CHSY3: variants seen among roughly 807,000 people sequenced by gnomAD.
The protein encoded by CHSY3 is chondroitin sulfate synthase 3.
CHSY3 carries 35 observed loss-of-function variants against 67.2 expected under a neutral mutation model. The ratio of observed to expected loss-of-function variants is 0.52; its 90% CI spans 0.40 to 0.69. The LOEUF (loss-of-function observed/expected upper bound fraction) is 0.69. CHSY3 is among the 30% of genes least tolerant of loss of function. The pLI, the probability that CHSY3 is intolerant of heterozygous loss-of-function variation, is 0.00. For missense variants in CHSY3, 1,069 were observed against 1,138.5 expected, an observed-to-expected ratio of 0.94 and a Z score of 0.88; for synonymous variants, 474 against 434.7, an observed-to-expected ratio of 1.09 and a Z score of -1.12.
intron 2 of CHSY3, among the ~76,000 whole-genome samples, chr5:130,026,665 T>G (rs954160116): frequency 1.3e-5 from 2 of 152,168 alleles, no homozygotes; most frequent in African/African-American, 4.8e-5. Context: ...TAATTGTTTT[T>G]GGCATTTTAT....
intron 2 of CHSY3, among the ~76,000 whole-genome samples, chr5:129,997,891 T>G (rs1160487014): frequency 6.6e-6 from 1 of 152,240 alleles, no homozygotes; most frequent in Admixed American, 6.5e-5. Flanking sequence ...TGCCACATTT[T>G]CTTAATCCAG....
chr5:129,987,059 C>T (rs1207892498), intron 2 of CHSY3, among the ~76,000 whole-genome samples: 1 of 152,090 alleles, frequency 6.6e-6, no homozygotes, highest in East Asian at 1.9e-4. Flanking sequence ...TTTAAATTAA[C>T]TCAAAATTTT....
At position 130,141,739 on chromosome 5, in the gene CHSY3, G is replaced by A; in HGVS notation, c.1087-42490G>A. ...GGACAAACAGAAGATTCTTGATAAGGGTATTAAAATTATCAACTGGCTGGA... is the reference window on the plus strand; with the variant it reads ...GGACAAACAGAAGATTCTTGATAAGAGTATTAAAATTATCAACTGGCTGGA... On this transcript the variant is annotated intron_variant, in intron 2 of 2. Transcript: ENST00000305031. 4 of 497,846 alleles carry A rather than the reference G, an allele frequency of 8.0e-6. 1 individual carries two copies. The highest frequency in any genetic ancestry group is 7.3e-4 in the Middle Eastern group (1 of 1,374). 30.8% of individuals were successfully genotyped at this position (497,846 alleles called of 1,614,324 possible).
chr5:130,028,930 TCCTCACCA>T (rs1238960299), intron 2 of CHSY3, among the ~76,000 whole-genome samples: 2 of 151,982 alleles, frequency 1.3e-5, no homozygotes, highest in Non-Finnish European at 2.9e-5. Context: ...TCCTACTGAT[TCCTCACCA>T]CCTCATATCT....
intron 2 of CHSY3, among the ~76,000 whole-genome samples, chr5:130,071,010 A>G (rs1396672949): frequency 1.3e-5 from 2 of 152,080 alleles, no homozygotes; most frequent in Non-Finnish European, 2.9e-5. Context: ...ATATAAGTCT[A>G]TGCCATTTAG....
Position 130,185,616 on chromosome 5 carries a change from A to T in CHSY3, c.2474A>T (p.Gln825Leu). 8 of 1,614,148 alleles carry T rather than the reference A, an allele frequency of 5.0e-6. No individual in the cohort carries two copies. The highest frequency in any genetic ancestry group is 6.8e-6 in the Non-Finnish European group (8 of 1,179,996). ...ILSGLRPFRS[Q>L]EVGVVHIFHP... ...TCTGGCTTAAGGCCATTCAGAAGCC[A>T]AGAAGTAGGAGTGGTGCATATTTTC... is the stretch of plus-strand genomic sequence containing the variant. The change falls in exon 3 of 3, where the codon CAA becomes CTA. Residue 825 changes from glutamine to leucine, a missense_variant. Physicochemically the swap from Gln to Leu is moderately radical, Grantham distance 113 (BLOSUM62 -2). Transcript: ENST00000305031.
Position 130,185,584 on chromosome 5 carries a change from C to T in CHSY3, c.2442C>T (p.Val814=), listed in dbSNP as rs1280473068. ...AAGATGTAGATCTCTACAATAAAGT[C>T]ATTCTATCTGGCTTAAGGCCATTCA... ...GLEDVDLYNK[V]ILSGLRPFRS... is the part of the protein sequence containing the mutation. The change falls in exon 3 of 3, where the codon GTC becomes GTT. Residue 814 remains valine (V), a synonymous_variant. Transcript: ENST00000305031. 17 of 1,613,536 alleles carry T rather than the reference C, an allele frequency of 1.1e-5. No individual in the cohort carries two copies. The highest frequency in any genetic ancestry group is 1.4e-5 in the Non-Finnish European group (17 of 1,179,838).
rs374393951 is a variant in CHSY3 at position 130,146,780 on chromosome 5, TTTTG to T, written c.1087-37445_1087-37442del. On this transcript the variant is annotated intron_variant, in intron 2 of 2. Coordinates refer to ENST00000305031, the MANE Select transcript of CHSY3 (RefSeq NM_175856.5). ...TAAAAAAAAAGCATTTTCATTTGTT[TTTTG>T]TTTTGTTTTGTTTTGTTTTGTTTTT... is the stretch of plus-strand genomic sequence containing the variant. 2.6e-3 allele frequency among the ~76,000 whole-genome samples: 390 copies of T among 150,692 alleles called. 3 individuals carry two copies. The highest frequency in any genetic ancestry group is 9.0e-3 in the African/African-American group (368 of 40,832).
Position 130,185,759 on chromosome 5 carries a change from T to G in CHSY3, c.2617T>G (p.Leu873Val), listed in dbSNP as rs748868435. 7 of 1,608,666 alleles carry G rather than the reference T, an allele frequency of 4.4e-6. No individual in the cohort carries two copies. The highest frequency in any genetic ancestry group is 6.0e-6 in the Non-Finnish European group (7 of 1,176,408). ...QLAELWLEKHLGVRYNRTLS is the reference protein window; with the variant it reads ...QLAELWLEKHVGVRYNRTLS ...GGCTGAACTCTGGCTTGAAAAACATTTAGGTGTCAGGTACAATCGAACTCT... is the reference window on the plus strand; with the variant it reads ...GGCTGAACTCTGGCTTGAAAAACATGTAGGTGTCAGGTACAATCGAACTCT... Residue 873 changes from leucine (L) to valine (V), a missense_variant, in exon 3 of 3, where the codon TTA (leucine) becomes GTA (valine). Leu to Val is a conservative substitution (Grantham distance 32). This residue lies in a region of CHSY3 where 139 missense variants were observed against 152.8 expected (regional missense o/e 0.91). Transcript: ENST00000305031.
intron 2 of CHSY3, among the ~76,000 whole-genome samples, chr5:130,020,744 T>G (rs901273507): frequency 7.9e-5 from 12 of 152,150 alleles, no homozygotes; most frequent in Admixed American, 5.9e-4. Context: ...GACACTCACC[T>G]AAGCAATAAC....
Position 130,184,650 on chromosome 5 carries a change from T to C in CHSY3, c.1508T>C (p.Met503Thr). The change falls in exon 3 of 3, where the codon ATG (methionine) becomes ACG (threonine). Residue 503 changes from methionine (M) to threonine (T), a missense_variant. By Grantham distance (81) the Met-to-Thr change is moderately conservative. Transcript: ENST00000305031. ...TALDDTVLQV[M>T]EMINENAKSR... is the part of the protein sequence containing the mutation. ...CTGGATGATACCGTCCTACAGGTGA[T>C]GGAGATGATCAATGAGAATGCCAAG... is the stretch of plus-strand genomic sequence containing the variant. The C allele has an allele frequency of 6.2e-7, 1 of 1,604,092 alleles. No homozygotes were observed. Among genetic ancestry groups the C allele is most frequent in the South Asian group, 1.1e-5 (1 of 90,874 alleles).
rs555555286 is a variant in CHSY3, at chr5:130,182,361, A to G, written c.1087-1868A>G. On this transcript the variant is annotated intron_variant, in intron 2 of 2. Transcript: ENST00000305031. ...TAGGTTTGTCCTTCCTTTTTTCCTT[A>G]TTTGTATAAGTTTATTATATGTTCT... Among the ~76,000 whole-genome samples the G allele has an allele frequency of 7.3e-5, 11 of 151,494 alleles. No individual in the cohort carries two copies. The East Asian group carries it at 2.1e-3, about 29-fold the overall frequency.
chr5:130,131,049 C>A (rs974420489), intron 2 of CHSY3, among the ~76,000 whole-genome samples: 1 of 152,158 alleles, frequency 6.6e-6, no homozygotes, highest in African/African-American at 2.4e-5. Flanking sequence ...TTTACTCTCA[C>A]CACTTGTATA....
intron 2 of CHSY3, among the ~76,000 whole-genome samples, chr5:130,014,147 C>A (rs931798170): frequency 7.2e-5 from 11 of 152,190 alleles, no homozygotes; most frequent in Admixed American, 3.3e-4. Flanking sequence ...TCACTATCAG[C>A]ATTTTGGTCA....
chr5:129,920,217 C>G (rs1385387557), intron 2 of CHSY3, among the ~76,000 whole-genome samples: 1 of 152,130 alleles, frequency 6.6e-6, no homozygotes, highest in Non-Finnish European at 1.5e-5. Flanking sequence ...CTCCACTAAT[C>G]CACAAGGAAT....
intron 2 of CHSY3, among the ~76,000 whole-genome samples, chr5:130,127,126 A>G (rs1337268262): frequency 6.6e-6 from 1 of 152,236 alleles, no homozygotes; most frequent in Non-Finnish European, 1.5e-5. Context: ...TTCCAAGTGT[A>G]TATTATCAAT....
intron 2 of CHSY3, among the ~76,000 whole-genome samples, chr5:130,065,398 C>T (rs1765850909): frequency 6.6e-6 from 1 of 152,094 alleles, no homozygotes; most frequent in African/African-American, 2.4e-5. Flanking sequence ...CTCATGTAGG[C>T]CATTGGCCCT....
intron 2 of CHSY3, among the ~76,000 whole-genome samples, chr5:129,998,756 CTTTTA>C (rs1763629250): frequency 6.6e-6 from 1 of 151,298 alleles, no homozygotes; most frequent in African/African-American, 2.4e-5. Context: ...GCCCAGTTTT[CTTTTA>C]TGTTTTTGAT....
intron 2 of CHSY3, among the ~76,000 whole-genome samples, chr5:129,994,078 T>C (rs1763454907): frequency 6.6e-6 from 1 of 152,214 alleles, no homozygotes; most frequent in South Asian, 2.1e-4. Flanking sequence ...TGCCGAGAGA[T>C]CAGCTGTTAG....
Sources: gnomAD v4.1 joint callset for allele counts (sites outside exome capture counted in the v4.1 genomes callset) on GRCh38, gnomAD v4.1.1 for gene constraint, gnomAD v4.1.1 regional missense constraint, MANE v1.5 for transcripts, NCBI Gene and HGNC (gene_info 2026-07-23, HGNC 2026-07-21) for gene names.